The following ARID1B variants were observed in gnomAD, a reference collection of about 807,000 sequenced individuals.
The protein encoded by ARID1B is AT-rich interaction domain 1B, also known as AT-rich interactive domain-containing protein 1B.
ARID1B carries 30 observed loss-of-function variants against 212.3 expected under a neutral mutation model. That is an observed-to-expected ratio of 0.14 (90% CI 0.11 to 0.19). ARID1B has a LOEUF of 0.19. ARID1B is among the 10% of genes least tolerant of loss of function. The probability of loss-of-function intolerance (pLI) is 1.00; values close to 1 mark genes in which losing one functional copy is unlikely to be tolerated. For synonymous variants in ARID1B, 1,402 were observed against 1,301.7 expected (o/e 1.08, Z -1.66); for missense variants, 2,891 against 3,204.0 (o/e 0.90, Z 2.36).
At chr6:157,164,192 C>T (rs970732659) in intron 8 of ARID1B, among the ~76,000 whole-genome samples, 3 of 152,168 alleles carry the variant, frequency 2.0e-5, no homozygotes, top group African/African-American at 7.2e-5. Flanking sequence ...AGTCAAGACC[C>T]CTGGCTTTTT....
intron 2 of ARID1B, among the ~76,000 whole-genome samples, chr6:156,843,719 T>C (rs1183033943): frequency 3.3e-5 from 5 of 152,258 alleles, no homozygotes; most frequent in African/African-American, 1.2e-4. Context: ...TGTCCATTGC[T>C]ATCCATAGCT....
intron 13 of ARID1B, among the ~76,000 whole-genome samples, chr6:157,189,003 T>C (rs1793171619): frequency 6.6e-6 from 1 of 152,182 alleles, no homozygotes; most frequent in Non-Finnish European, 1.5e-5. Context: ...CAAACCAGTA[T>C]GACTTGTGCT....
chr6:157,195,987 G>A (rs1793690791), intron 15 of ARID1B, 178 bp from the exon 16 acceptor site: 4 of 636,876 alleles, frequency 6.3e-6, no homozygotes, highest in African/African-American at 3.8e-5. Context: ...CCTGAACCCG[G>A]GAGGCAGAGG....
rs1792046896 is a variant in ARID1B, at chr6:156,934,915, TATATATATATATATA to T, written c.2137-550_2137-536del. On this transcript the variant is annotated intron_variant, in intron 3 of 19. Transcript: ENST00000636930. Reference sequence around the variant, plus strand: ...TCATAATAAATTTAGTTGTTAATTATATATATATATATATATATATATATATATATATATATATAT... The same window carrying T: ...TCATAATAAATTTAGTTGTTAATTATTATATATATATATATATATATATAT... 3.4e-3 allele frequency among the ~76,000 whole-genome samples: 132 copies of T among 39,014 alleles called. 4 individuals are homozygous for T. The highest frequency in any genetic ancestry group is 5.9e-3 in the South Asian group (9 of 1,538). The allele number at this position is 39,014 out of a possible 152,430, so 25.6% of individuals were successfully genotyped here.
At chr6:157,091,981 A>C (rs1027105364) in intron 5 of ARID1B, among the ~76,000 whole-genome samples, 2 of 152,222 alleles carry the variant, frequency 1.3e-5, no homozygotes, top group African/African-American at 4.8e-5. Context: ...TGGAGGTGGA[A>C]ATCCTGCAAC....
intron 4 of ARID1B, among the ~76,000 whole-genome samples, chr6:156,968,566 C>G (rs1432863885): frequency 6.6e-6 from 1 of 152,172 alleles, no homozygotes; most frequent in Non-Finnish European, 1.5e-5. Context: ...CTGATTTCAG[C>G]TTTTGCTCTT....
chr6:157,169,677 A>G (rs1791580689), intron 9 of ARID1B: 1 of 152,224 alleles, frequency 6.6e-6, no homozygotes, highest in Non-Finnish European at 1.5e-5. Flanking sequence ...TATAATATTC[A>G]TTAGTCATTT....
intron 1 of ARID1B, among the ~76,000 whole-genome samples, chr6:156,818,584 G>A (rs913381181): frequency 6.6e-6 from 1 of 152,088 alleles, no homozygotes; most frequent in Non-Finnish European, 1.5e-5. Context: ...CTTGAGAGGT[G>A]GGGAAATTGA....
chr6:157,038,256 A>G (rs1424212106), intron 4 of ARID1B, among the ~76,000 whole-genome samples: 1 of 152,190 alleles, frequency 6.6e-6, no homozygotes, highest in Non-Finnish European at 1.5e-5. Flanking sequence ...GGTAGAAACT[A>G]TTACAGAACA....
At chr6:156,892,043 C>CTTTTTTTT (rs1047406340) in intron 2 of ARID1B, among the ~76,000 whole-genome samples, 7 of 115,160 alleles carry the variant, frequency 6.1e-5, no homozygotes, top group East Asian at 2.6e-4. Flanking sequence ...AGCGAATTTT[C>CTTTTTTTT]TTTTTTTTTT....
rs1453138221 is a variant in ARID1B, at chr6:157,196,178, C to G, written c.4245C>G (p.Ser1415Arg). The G allele has an allele frequency of 3.7e-6, 6 of 1,612,386 alleles. No individual in the cohort carries two copies. Among genetic ancestry groups the G allele is most frequent in the Non-Finnish European group, 5.1e-6 (6 of 1,179,678 alleles). ...AAAATATTGCAGTGCCTGGAAGCAG[C>G]GAGCCCTTTATGACGCAAGGACAGA... is the stretch of plus-strand genomic sequence containing the variant. ...FGGMRKVPGS[S>R]EPFMTQGQMP... Residue 1415 changes from serine to arginine, a missense_variant, in exon 16 of 20, where the codon AGC (serine) becomes AGG (arginine). Coordinates refer to ENST00000636930, the MANE Select transcript of ARID1B (RefSeq NM_001374828.1).
chr6:157,161,454 T>TATA (rs1790939734), intron 8 of ARID1B, among the ~76,000 whole-genome samples: 1 of 149,146 alleles, frequency 6.7e-6, no homozygotes, highest in African/African-American at 2.5e-5. Flanking sequence ...TATATATATA[T>TATA]TTTGGCGGGG....
At position 157,200,556 on chromosome 6, in the gene ARID1B, T is replaced by C. The variant is rs1794022402; in HGVS notation, c.4480-149T>C. On this transcript the variant is annotated intron_variant, in intron 17 of 19. Coordinates refer to ENST00000636930, the MANE Select transcript of ARID1B (RefSeq NM_001374828.1). The surrounding 1 kb of genome is among the most constrained non-coding windows in gnomAD (Gnocchi z 4.3). The stretch of plus-strand genomic sequence containing the variant: ...GTATATAATACTGAAATATTGAACA[T>C]AAATTGTTAGTTCTCTGTTGTTATA... 1 of 860,574 alleles carries C rather than the reference T, an allele frequency of 1.2e-6. No individual in the cohort carries two copies. The highest frequency in any genetic ancestry group is 1.7e-6 in the Non-Finnish European group (1 of 575,648). The allele number at this position is 860,574 out of a possible 1,614,324, so 53.3% of individuals were successfully genotyped here. A position where few individuals can be genotyped will look rare whatever the true frequency, so the allele number is the denominator to read the frequency against.
intron 4 of ARID1B, among the ~76,000 whole-genome samples, chr6:157,000,213 C>A (rs939713344): frequency 6.6e-6 from 1 of 152,112 alleles, no homozygotes; most frequent in African/African-American, 2.4e-5. Context: ...AGGGAGGGAA[C>A]CAGGGCCAGA....
chr6:156,807,594 C>CT (rs1781266314), intron 1 of ARID1B, among the ~76,000 whole-genome samples: 1 of 152,040 alleles, frequency 6.6e-6, no homozygotes, highest in African/African-American at 2.4e-5. Flanking sequence ...AGTATATGCT[C>CT]TTAAGTTAAA....
At chr6:156,790,781 C>G (rs1318978772) in intron 1 of ARID1B, among the ~76,000 whole-genome samples, 3 of 152,202 alleles carry the variant, frequency 2.0e-5, no homozygotes, top group African/African-American at 7.2e-5. Flanking sequence ...GACTTTTCCT[C>G]TTTCACCCAT....
At chr6:156,814,884 A>G (rs1370800713) in intron 1 of ARID1B, among the ~76,000 whole-genome samples, 2 of 152,106 alleles carry the variant, frequency 1.3e-5, no homozygotes, top group African/African-American at 4.8e-5. Context: ...TAATACAACA[A>G]ATGCTTTTTA....
chr6:157,141,506 G>A (rs1308420221), intron 7 of ARID1B, among the ~76,000 whole-genome samples: 1 of 152,172 alleles, frequency 6.6e-6, no homozygotes, highest in Non-Finnish European at 1.5e-5. Context: ...CGGTAAGTCA[G>A]CTTTCATTTT....
At chr6:157,050,419 CTG>C (rs1291234522) in intron 4 of ARID1B, among the ~76,000 whole-genome samples, 1 of 152,144 alleles carries the variant, frequency 6.6e-6, no homozygotes, top group Non-Finnish European at 1.5e-5. Context: ...TGGTGCGTGA[CTG>C]TAATCGCAGC....
Sources: allele counts gnomAD v4.1 joint callset (sites outside exome capture counted in the v4.1 genomes callset), GRCh38; gene constraint gnomAD v4.1.1; non-coding constraint Gnocchi (gnomAD v3.1); transcripts MANE v1.5; gene names NCBI Gene and HGNC (gene_info 2026-07-23, HGNC 2026-07-21).